The following NLGN4X variants were observed in gnomAD, a reference collection of about 807,000 sequenced individuals.
NLGN4X encodes neuroligin 4 X-linked.
In NLGN4X, 3 loss-of-function variants were observed where a neutral mutation model predicts 40.3. The observed-to-expected ratio is 0.07, with a 90% CI of 0.03 to 0.19. The LOEUF (loss-of-function observed/expected upper bound fraction) is 0.19. NLGN4X is among the 10% of genes least tolerant of loss of function. The pLI is 1.00. For synonymous variants in NLGN4X, 270 were observed against 306.8 expected (o/e 0.88, Z 1.25); for missense variants, 382 against 708.3 (o/e 0.54, Z 5.23).
chrX:6,208,956 A>G lies in NLGN4X; in HGVS notation c.-306+19585T>C, dbSNP rs139281004. Reference sequence around the variant, plus strand: ...ATACGTTTAATACCGCACTATTCACAATAGCAAAGATATGGAATCCAGCTA... The same window carrying G: ...ATACGTTTAATACCGCACTATTCACGATAGCAAAGATATGGAATCCAGCTA... On this transcript the variant is annotated intron_variant, in intron 1 of 5. Transcript: ENST00000381095. Among the ~76,000 whole-genome samples, 178 of 112,557 alleles carry G rather than the reference A, an allele frequency of 1.6e-3. 1 individual carries two copies. Among genetic ancestry groups the G allele is most frequent in the African/African-American group, 5.4e-3 (168 of 31,028 alleles).
At chrX:6,076,187 G>A (rs748146457) in intron 2 of NLGN4X, among the ~76,000 whole-genome samples, 1 of 112,055 alleles carries the variant, frequency 8.9e-6, no homozygotes, top group Non-Finnish European at 1.9e-5. Flanking sequence ...AGAAACAAAC[G>A]CTCCATATTT....
intron 3 of NLGN4X, among the ~76,000 whole-genome samples, chrX:5,992,323 G>A (rs760708651): frequency 8.9e-6 from 1 of 111,976 alleles, no homozygotes; most frequent in Non-Finnish European, 1.9e-5. Context: ...AAGAAAAGAC[G>A]GTCCAGGCAT....
intron 3 of NLGN4X, among the ~76,000 whole-genome samples, chrX:5,970,171 TAATA>T (rs1367670534): frequency 1.0e-5 from 1 of 96,330 alleles, no homozygotes; most frequent in East Asian, 3.1e-4. Flanking sequence ...CATAAAAGTA[TAATA>T]AAAAATAAAT....
At chrX:6,058,162 G>GCACACA (rs780169986) in intron 2 of NLGN4X, among the ~76,000 whole-genome samples, 6 of 108,583 alleles carry the variant, frequency 5.5e-5, no homozygotes, top group South Asian at 7.8e-4. Flanking sequence ...GTGTATACAT[G>GCACACA]CACACACACA....
intron 1 of NLGN4X, among the ~76,000 whole-genome samples, chrX:6,210,445 G>C (rs1198024588): frequency 9.0e-6 from 1 of 111,103 alleles, no homozygotes. Context: ...CTGCACTCCA[G>C]CATGGGCGAC....
chrX:5,907,932 G>A (rs1408172421), intron 4 of NLGN4X, among the ~76,000 whole-genome samples: 3 of 103,778 alleles, frequency 2.9e-5, no homozygotes, highest in East Asian at 6.4e-4. Context: ...GGAAAGGGGG[G>A]AAAGAGAGAG....
chrX:6,195,073 G>T (rs1316632551), intron 1 of NLGN4X, among the ~76,000 whole-genome samples: 1 of 111,720 alleles, frequency 9.0e-6, no homozygotes, highest in Non-Finnish European at 1.9e-5. Context: ...TGCCATAGTG[G>T]TTTGCTGCAC....
intron 2 of NLGN4X, among the ~76,000 whole-genome samples, chrX:6,110,129 A>T (rs1017641787): frequency 1.8e-5 from 2 of 111,865 alleles, no homozygotes; most frequent in Non-Finnish European, 3.8e-5. Context: ...CCCCAAGGAG[A>T]GACTAAAAAC....
chrX:6,016,236 A>G lies in NLGN4X; in HGVS notation c.625+13044T>C, dbSNP rs773481701. 2.7e-5 allele frequency among the ~76,000 whole-genome samples: 3 copies of G among 112,131 alleles called. No homozygotes were observed. The South Asian group carries it at 1.1e-3, about 42-fold the overall frequency. The stretch of plus-strand genomic sequence containing the variant: ...GCAAATCCTGTTGCATCTGTAAGAC[A>G]CGCAGAACAACCTCTTCTTTTTTAT... On this transcript the variant is annotated intron_variant, in intron 3 of 5. Transcript: ENST00000381095.
At position 5,954,094 on chromosome X, in the gene NLGN4X, A is replaced by G. The variant is rs1360837182; in HGVS notation, c.626-44855T>C. On this transcript the variant is annotated intron_variant, in intron 3 of 5. Coordinates refer to ENST00000381095, the MANE Select transcript of NLGN4X (RefSeq NM_181332.3). ...GCCAGGGATTCCAGGAGATGTGGAC[A>G]GCTGTTGTCAAATTCTGAGCTCTAT... Among the ~76,000 whole-genome samples, 3 of 111,910 alleles carry G rather than the reference A, an allele frequency of 2.7e-5. No individual in the cohort carries two copies. In the Admixed American group the frequency reaches 2.9e-4, roughly 11 times the overall value.
chrX:6,125,587 G>T (rs1412196219), intron 2 of NLGN4X, among the ~76,000 whole-genome samples: 1 of 109,979 alleles, frequency 9.1e-6, no homozygotes, highest in African/African-American at 3.3e-5. Context: ...ATTAAAAAAA[G>T]AAATTGAAAT....
chrX:6,002,774 T>C (rs906937664), intron 3 of NLGN4X, among the ~76,000 whole-genome samples: 4 of 111,312 alleles, frequency 3.6e-5, no homozygotes, highest in African/African-American at 1.3e-4. Context: ...CTGCACCACA[T>C]CCTGTGCCCA....
At chrX:5,897,340 G>C (rs1255005657) in intron 5 of NLGN4X, among the ~76,000 whole-genome samples, 4 of 111,551 alleles carry the variant, frequency 3.6e-5, no homozygotes, top group African/African-American at 1.3e-4. Flanking sequence ...GAATTTCATT[G>C]ATCAGCTTGG....
At chrX:6,131,281 T>C (rs1318768663) in intron 2 of NLGN4X, among the ~76,000 whole-genome samples, 1 of 111,990 alleles carries the variant, frequency 8.9e-6, no homozygotes, top group African/African-American at 3.2e-5. Flanking sequence ...CTTTAAATGT[T>C]CCATGTCTTG....
chrX:6,182,585 A>T (rs1370131637), intron 1 of NLGN4X, among the ~76,000 whole-genome samples: 3 of 111,854 alleles, frequency 2.7e-5, no homozygotes, highest in Non-Finnish European at 5.6e-5. Context: ...TTCACGGCAA[A>T]GGGACTTTGC....
chrX:5,895,095 T>C (rs1238721975), intron 5 of NLGN4X, among the ~76,000 whole-genome samples: 1 of 112,607 alleles, frequency 8.9e-6, no homozygotes. Context: ...TCAAACAATA[T>C]ACTTGAGCCA....
chrX:5,940,748 C>G (rs927984314), intron 3 of NLGN4X, among the ~76,000 whole-genome samples: 1 of 110,576 alleles, frequency 9.0e-6, no homozygotes, highest in African/African-American at 3.3e-5. Context: ...TAATAAATCA[C>G]CAAAGCCAGG....
intron 2 of NLGN4X, among the ~76,000 whole-genome samples, chrX:6,115,806 G>A (rs946014636): frequency 3.6e-5 from 4 of 111,222 alleles, no homozygotes; most frequent in African/African-American, 1.3e-4. Flanking sequence ...TCGTTTTAAC[G>A]TGCACACCTG....
intron 3 of NLGN4X, among the ~76,000 whole-genome samples, chrX:5,982,570 T>C (rs1383964966): frequency 3.6e-5 from 4 of 112,224 alleles, no homozygotes; most frequent in Admixed American, 9.4e-5. Context: ...TGAAAATGGA[T>C]TGTAATATGT....
Sources: allele counts gnomAD v4.1 joint callset (sites outside exome capture counted in the v4.1 genomes callset), GRCh38; gene constraint gnomAD v4.1.1; transcripts MANE v1.5; gene names NCBI Gene and HGNC (gene_info 2026-07-23, HGNC 2026-07-21).